The following TUSC3 variants were observed in gnomAD, a reference collection of about 807,000 sequenced individuals.
TUSC3 encodes the protein dolichyl-diphosphooligosaccharide--protein glycosyltransferase subunit TUSC3.
In TUSC3, 45 loss-of-function variants were observed where a neutral mutation model predicts 44.8. That is an observed-to-expected ratio of 1.00 (90% CI 0.79 to 1.29). The LOEUF (loss-of-function observed/expected upper bound fraction) is 1.29, where lower values mean the gene tolerates loss of function less well. Ranked by LOEUF, TUSC3 falls within the 50% of genes most tolerant of loss-of-function variation. TUSC3 has a pLI of 0.00. For synonymous variants in TUSC3, 212 were observed against 152.9 expected (o/e 1.39, Z -2.85); for missense variants, 519 against 437.9 (o/e 1.19, Z -1.65).
intron 3 of TUSC3, among the ~76,000 whole-genome samples, chr8:15,657,039 T>C (rs1286836938): frequency 6.6e-6 from 1 of 152,108 alleles, no homozygotes; most frequent in East Asian, 1.9e-4. Flanking sequence ...AGCTTTGACG[T>C]CCCATAGATA....
chr8:15,615,367 A>G (rs530968240), intron 1 of TUSC3, among the ~76,000 whole-genome samples: 2 of 152,346 alleles, frequency 1.3e-5, no homozygotes, highest in East Asian at 3.9e-4. Flanking sequence ...ACAAAAAGAC[A>G]AACATCACAT....
intron 1 of TUSC3, among the ~76,000 whole-genome samples, chr8:15,612,617 T>C (rs1585152848): frequency 2.6e-5 from 4 of 152,172 alleles, no homozygotes; most frequent in African/African-American, 9.6e-5. Context: ...AAGATAAAAA[T>C]ACAAGAAGGA....
rs941775947 is a variant in TUSC3 at position 15,434,380 on chromosome 8, C to A, written n.91+17075C>A. ...TACATGTGTTCTGAATATTTTCTTG[C>A]AACGCAAATTGTACTTCTTCAAAAT... On this transcript the variant is annotated intron_variant and non_coding_transcript_variant, in intron 1 of 5. Coordinates refer to the TUSC3 transcript ENST00000503191. Among the ~76,000 whole-genome samples, 5 of 152,196 alleles carry A rather than the reference C, an allele frequency of 3.3e-5. No individual in the cohort carries two copies. The East Asian group carries it at 5.8e-4, about 18-fold the overall frequency.
rs775622997 is a variant in TUSC3, at chr8:15,568,526, T to C, written c.138+27958T>C. ...TATGTCATTTGTGATTTAAGATGTTTTGATAAACATGAAAGACATTTATAA... is the reference window on the plus strand; with the variant it reads ...TATGTCATTTGTGATTTAAGATGTTCTGATAAACATGAAAGACATTTATAA... On this transcript the variant is annotated intron_variant, in intron 1 of 10. Coordinates refer to ENST00000503731, the MANE Select transcript of TUSC3 (RefSeq NM_006765.4). Among the ~76,000 whole-genome samples the C allele has an allele frequency of 4.5e-4, 68 of 152,204 alleles. 1 individual carries two copies. The highest frequency in any genetic ancestry group is 6.8e-4 in the Non-Finnish European group (46 of 68,032).
intron 1 of TUSC3, among the ~76,000 whole-genome samples, chr8:15,459,772 C>A (rs183456396): frequency 1.1e-3 from 164 of 152,208 alleles, no homozygotes; most frequent in Non-Finnish European, 2.1e-3. Flanking sequence ...TCTCCAATCT[C>A]ATCCCGGTCA....
At chr8:15,700,304 G>T (rs1402036864) in intron 6 of TUSC3, among the ~76,000 whole-genome samples, 2 of 152,070 alleles carry the variant, frequency 1.3e-5, no homozygotes, top group Non-Finnish European at 1.5e-5. Flanking sequence ...AGCTCTGGGG[G>T]TGTAACAGTA....
chr8:15,746,505 A>C (rs149032126), intron 8 of TUSC3, among the ~76,000 whole-genome samples: 2 of 148,612 alleles, frequency 1.3e-5, no homozygotes, highest in African/African-American at 2.5e-5. Flanking sequence ...GTAGTATCTC[A>C]TGTGGCTGCC....
chr8:15,771,469 G>T (rs1337452597), downstream of TUSC3, among the ~76,000 whole-genome samples: 2 of 151,592 alleles, frequency 1.3e-5, no homozygotes, highest in African/African-American at 4.8e-5. Context: ...ATTATTAAAA[G>T]AAATAACTGC....
intron 1 of TUSC3, among the ~76,000 whole-genome samples, chr8:15,584,416 TC>T (rs1400783619): frequency 6.6e-6 from 1 of 152,200 alleles, no homozygotes; most frequent in East Asian, 1.9e-4. Context: ...TGGTCATTGA[TC>T]ATGCATTAAA....
intron 3 of TUSC3, chr8:15,651,072 C>T (rs562384722): frequency 1.9e-5 from 8 of 413,116 alleles, no homozygotes; most frequent in African/African-American, 1.6e-4. Flanking sequence ...AGTTATAATA[C>T]ATTTTGTGAT....
intron 2 of TUSC3, among the ~76,000 whole-genome samples, chr8:15,627,541 A>T (rs912831555): frequency 1.8e-4 from 27 of 152,242 alleles, no homozygotes; most frequent in African/African-American, 5.8e-4. Context: ...CATGTTGTGG[A>T]TGAAGAGAAG....
chr8:15,597,274 G>C (rs1472353872), intron 1 of TUSC3, among the ~76,000 whole-genome samples: 2 of 151,972 alleles, frequency 1.3e-5, no homozygotes, highest in African/African-American at 4.8e-5. Flanking sequence ...TGAAGCCTGT[G>C]GCCCTTAGAT....
chr8:15,741,259 A>G (rs750863998), intron 7 of TUSC3, among the ~76,000 whole-genome samples: 4 of 152,110 alleles, frequency 2.6e-5, no homozygotes, highest in Non-Finnish European at 4.4e-5. Flanking sequence ...TGTAGGCTTT[A>G]TTTTCCCCAG....
Position 15,475,182 on chromosome 8 carries a change from C to T in TUSC3, n.92-8204C>T, listed in dbSNP as rs142683118. Among the ~76,000 whole-genome samples the T allele has an allele frequency of 3.3e-5, 5 of 152,060 alleles. No homozygotes were observed. The East Asian group carries it at 5.8e-4, about 18-fold the overall frequency. On this transcript the variant is annotated intron_variant and non_coding_transcript_variant, in intron 1 of 5. Coordinates refer to the TUSC3 transcript ENST00000503191. ...AAAGTCTTAAACTATCCTATTTAGT[C>T]GTCAACATTCCAAAGAGGTATATAT... is the stretch of plus-strand genomic sequence containing the variant.
chr8:15,424,822 T>C (rs1451711235), intron 1 of TUSC3, among the ~76,000 whole-genome samples: 2 of 151,432 alleles, frequency 1.3e-5, no homozygotes, highest in African/African-American at 2.4e-5. Context: ...GAGGTTGCAG[T>C]GAGCCGAGGT....
At chr8:15,821,987 G>GATTT in the TUSC3 span, among the ~76,000 whole-genome samples, 2 of 152,144 alleles carry the variant, frequency 1.3e-5, no homozygotes, top group Non-Finnish European at 2.9e-5. Context: ...AGATGATGAT[G>GATTT]ATTTGATAAG....
Position 15,688,384 on chromosome 8 carries a change from G to C in TUSC3, c.798+14548G>C, listed in dbSNP as rs190786440. On this transcript the variant is annotated intron_variant, in intron 6 of 10. Transcript: ENST00000503731. ...AGTCTCTGACTTTAGTAAGTTTTTC[G>C]TAACCTTACATAAAATAAACATTCA... 1.1e-3 allele frequency among the ~76,000 whole-genome samples: 169 copies of C among 149,098 alleles called. 2 individuals are homozygous for C. The Middle Eastern group carries it at 0.021, about 19-fold the overall frequency.
At chr8:15,604,553 AC>A (rs1804436342) in intron 1 of TUSC3, among the ~76,000 whole-genome samples, 1 of 151,796 alleles carries the variant, frequency 6.6e-6, no homozygotes, top group Non-Finnish European at 1.5e-5. Flanking sequence ...TACAAGTGGC[AC>A]CAAGATAGAT....
intron 6 of TUSC3, among the ~76,000 whole-genome samples, chr8:15,719,613 T>C (rs1585264332): frequency 6.6e-6 from 1 of 151,980 alleles, no homozygotes; most frequent in South Asian, 2.1e-4. Flanking sequence ...GGAATGTAAC[T>C]TGCCATGTAT....
Sources: allele counts gnomAD v4.1 joint callset (sites outside exome capture counted in the v4.1 genomes callset), GRCh38; gene constraint gnomAD v4.1.1; transcripts MANE v1.5; gene names NCBI Gene and HGNC (gene_info 2026-07-23, HGNC 2026-07-21).